PSMB1: variants seen among roughly 807,000 people sequenced by gnomAD.
PSMB1 encodes the protein proteasome 20S subunit beta 1.
Under a neutral mutation model 25.4 loss-of-function variants are expected in PSMB1, and 7 were observed. That is an observed-to-expected ratio of 0.28 (90% CI 0.16 to 0.52). PSMB1 has a LOEUF of 0.52. Among genes scored for constraint, PSMB1 ranks in the 20% least tolerant of loss-of-function variants. PSMB1 has a pLI of 0.97. For missense variants in PSMB1, 284 were observed against 302.2 expected, an observed-to-expected ratio of 0.94 and a Z score of 0.45; for synonymous variants, 119 against 115.0, an observed-to-expected ratio of 1.03 and a Z score of -0.22.
intron 3 of PSMB1, among the ~76,000 whole-genome samples, chr6:170,545,505 A>G (rs1305175842): frequency 1.3e-5 from 2 of 152,232 alleles, no homozygotes; most frequent in African/African-American, 4.8e-5. Flanking sequence ...GTAACCACTC[A>G]TAAGTGTAAA....
rs1484692932 is a variant in PSMB1, at chr6:170,553,195, C to T, written c.48G>A (p.Gly16=). The T allele has an allele frequency of 6.2e-7, 1 of 1,613,938 alleles. No homozygotes were observed. Among genetic ancestry groups the T allele is most frequent in the African/African-American group, 1.3e-5 (1 of 75,062 alleles). Residue 16 remains glycine, a synonymous_variant, in exon 1 of 6, where the codon GGG becomes GGA. Transcript: ENST00000262193. ...AMYSAPGRDL[G]MEPHRAAGPL... is the part of the protein sequence containing the mutation. ...GGCCCGCGGCTCTGTGCGGTTCCAT[C>T]CCCAAGTCTCTGCCAGGAGCCGAAT...
chr6:170,551,277 A>T (rs914149280), intron 1 of PSMB1, among the ~76,000 whole-genome samples: 1 of 152,194 alleles, frequency 6.6e-6, no homozygotes, highest in African/African-American at 2.4e-5. Context: ...GAATCGAGGG[A>T]CTCATGAGAG....
chr6:170,539,801 T>C (rs1044774255), intron 4 of PSMB1, among the ~76,000 whole-genome samples: 1 of 152,238 alleles, frequency 6.6e-6, no homozygotes, highest in Non-Finnish European at 1.5e-5. Flanking sequence ...TTCATCATAG[T>C]GTTTATATTA....
chr6:170,546,003 A>G, intron 3 of PSMB1, 100 bp downstream of exon 3: 1 of 944,964 alleles, frequency 1.1e-6, no homozygotes. Flanking sequence ...TAACCTAGTG[A>G]CTCTCTAGCT....
intron 5 of PSMB1, 107 bp from the exon 6 acceptor site, chr6:170,535,512 T>C (rs1019761364): frequency 2.7e-5 from 27 of 987,858 alleles, no homozygotes; most frequent in Middle Eastern, 3.3e-4. Context: ...GTGATGAAAA[T>C]ACTACACAAA....
At position 170,543,698 on chromosome 6, in the gene PSMB1, A is replaced by T. The variant is rs749737128; in HGVS notation, c.336T>A (p.Thr112=). The change falls in exon 4 of 6, where the codon ACT becomes ACA. Residue 112 remains threonine, a synonymous_variant. Transcript: ENST00000262193. ...MYKHSNNKAM[T]TGAIAAMLST... is the part of the protein sequence containing the mutation. ...ACAGCATTGCAGCAATTGCCCCCGT[A>T]GTCATGGCCTTATTATTGGAATGCT... The T allele has an allele frequency of 6.4e-5, 103 of 1,611,652 alleles. 1 individual carries two copies. The Middle Eastern group carries it at 1.6e-3, about 26-fold the overall frequency.
chr6:170,536,587 T>C (rs546532260), intron 5 of PSMB1: 1 of 433,252 alleles, frequency 2.3e-6, no homozygotes, highest in African/African-American at 2.0e-5. Flanking sequence ...AAACTTACAG[T>C]ATCAACAAAT....
At chr6:170,535,651 G>A (rs1562350212) in intron 5 of PSMB1, among the ~76,000 whole-genome samples, 2 of 152,328 alleles carry the variant, frequency 1.3e-5, no homozygotes, top group Admixed American at 1.3e-4. Flanking sequence ...AGAGGTGGAC[G>A]TATGCAAGCA....
chr6:170,553,244 G>C lies in PSMB1; in HGVS notation c.-2C>G, dbSNP rs754026068. The C allele has an allele frequency of 3.1e-6, 5 of 1,603,586 alleles. No individual in the cohort carries two copies. In the African/African-American group the frequency reaches 4.0e-5, roughly 13 times the overall value. ...ATACATGGCTGTAGAGGACAACATC[G>C]CACGGCTGCGCCTGCGGATCCGACA... On this transcript the variant is annotated 5_prime_UTR_variant, in exon 1 of 6. Coordinates refer to ENST00000262193, the MANE Select transcript of PSMB1 (RefSeq NM_002793.4).
At chr6:170,547,898 A>AAAAAAT (rs3042442) in intron 2 of PSMB1, among the ~76,000 whole-genome samples, 2 of 151,394 alleles carry the variant, frequency 1.3e-5, no homozygotes, top group African/African-American at 2.4e-5. Flanking sequence ...AAAAAAAAAA[A>AAAAAAT]GTGCTCACTT....
intron 2 of PSMB1, among the ~76,000 whole-genome samples, chr6:170,548,730 C>T (rs929632920): frequency 1.3e-5 from 2 of 152,128 alleles, no homozygotes; most frequent in Non-Finnish European, 2.9e-5. Context: ...GGCCTTCCAC[C>T]ATGTTAAGAC....
At chr6:170,542,543 CCT>C (rs532059354) in intron 4 of PSMB1, among the ~76,000 whole-genome samples, 44 of 152,286 alleles carry the variant, frequency 2.9e-4, no homozygotes, top group Admixed American at 5.2e-4. Flanking sequence ...AGAAATTACC[CCT>C]GTTGCTAAAC....
Position 170,553,204 on chromosome 6 carries a change from T to G in PSMB1, c.39A>C (p.Arg13Ser), listed in dbSNP as rs1292852247. Reference protein sequence around the residue: ...SSTAMYSAPGRDLGMEPHRAA... With the variant: ...SSTAMYSAPGSDLGMEPHRAA... The stretch of plus-strand genomic sequence containing the variant: ...CTCTGTGCGGTTCCATCCCCAAGTC[T>G]CTGCCAGGAGCCGAATACATGGCTG... Residue 13 changes from arginine (R) to serine (S), a missense_variant, in exon 1 of 6, where the codon AGA becomes AGC. Coordinates refer to ENST00000262193, the MANE Select transcript of PSMB1 (RefSeq NM_002793.4). The G allele has an allele frequency of 6.2e-7, 1 of 1,613,866 alleles. No homozygotes were observed.
In PSMB1 at chr6:170,543,544, C is replaced by T. The variant is rs1178973866; in HGVS notation, c.433+57G>A. The stretch of plus-strand genomic sequence containing the variant: ...CTTTTCAACTCTAGATGGATACACA[C>T]ATCTAGGGAATAATAACTCCTCCCC... On this transcript the variant is annotated intron_variant, in intron 4 of 5. Transcript: ENST00000262193. 1.3e-5 allele frequency: 19 copies of T among 1,486,868 alleles called. No individual in the cohort carries two copies. In the African/African-American group the frequency reaches 1.6e-4, roughly 12 times the overall value. 92.1% of individuals were successfully genotyped at this position (1,486,868 alleles called of 1,614,324 possible).
chr6:170,542,233 G>A (rs1425376103), intron 4 of PSMB1, among the ~76,000 whole-genome samples: 2 of 152,162 alleles, frequency 1.3e-5, no homozygotes, highest in African/African-American at 4.8e-5. Context: ...CTGTGTATGG[G>A]GGCGGATGTT....
intron 5 of PSMB1, chr6:170,536,269 T>A (rs1465853394): frequency 2.4e-6 from 1 of 415,194 alleles, no homozygotes; most frequent in African/African-American, 2.1e-5. Flanking sequence ...ATAAACTATA[T>A]GTAGATACTA....
intron 4 of PSMB1, among the ~76,000 whole-genome samples, chr6:170,542,223 C>T (rs1316814217): frequency 6.6e-6 from 1 of 152,166 alleles, no homozygotes; most frequent in Non-Finnish European, 1.5e-5. Context: ...TTCCCCAAGG[C>T]TGTGTATGGG....
At chr6:170,535,487 T>G in intron 5 of PSMB1, 82 bp from the exon 6 acceptor site, 2 of 1,183,720 alleles carry the variant, frequency 1.7e-6, no homozygotes, top group South Asian at 1.5e-5. Context: ...AATACCCTCA[T>G]GTGTACGAGG....
intron 1 of PSMB1, among the ~76,000 whole-genome samples, chr6:170,551,169 G>T (rs1002841886): frequency 6.6e-6 from 1 of 152,030 alleles, no homozygotes; most frequent in Non-Finnish European, 1.5e-5. Flanking sequence ...GAGAAGAGGA[G>T]ATGAAGGGGA....
Sources: allele counts gnomAD v4.1 joint callset (sites outside exome capture counted in the v4.1 genomes callset), GRCh38; gene constraint gnomAD v4.1.1; transcripts MANE v1.5; gene names NCBI Gene and HGNC (gene_info 2026-07-23, HGNC 2026-07-21).